The following GHR variants were observed in gnomAD, a reference collection of about 807,000 sequenced individuals.
GHR encodes GH receptor.
GHR carries 35 observed loss-of-function variants against 67.1 expected under a neutral mutation model. The ratio of observed to expected loss-of-function variants is 0.52; its 90% confidence interval spans 0.40 to 0.69. GHR has a LOEUF of 0.69. GHR is among the 30% of genes least tolerant of loss of function. The pLI, the probability that GHR is intolerant of heterozygous loss-of-function variation, is 0.00. For missense variants in GHR, 792 were observed against 764.6 expected (o/e 1.04, Z -0.42); for synonymous variants, 272 against 269.1 (o/e 1.01, Z -0.10).
At chr5:42,474,305 G>GAAAGAAAGAAAGA (rs1006071581) in intron 1 of GHR, among the ~76,000 whole-genome samples, 1 of 134,062 alleles carries the variant, frequency 7.5e-6, no homozygotes, top group Admixed American at 7.4e-5. Context: ...GAGAAAGAAA[G>GAAAGAAAGAAAGA]AAAGAAAGAA....
At chr5:42,603,983 T>C (rs1362297311) in intron 2 of GHR, among the ~76,000 whole-genome samples, 2 of 152,218 alleles carry the variant, frequency 1.3e-5, no homozygotes, top group Non-Finnish European at 2.9e-5. Context: ...TCAATTAATT[T>C]GCAAGAGTGG....
rs150584105 is a variant in GHR at position 42,695,056 on chromosome 5, G to T, written c.406G>T (p.Val136Leu). Residue 136 changes from valine (V) to leucine (L), a missense_variant, in exon 5 of 10, where the codon GTG (valine) becomes TTG (leucine). Physicochemically the swap from Val to Leu is conservative, Grantham distance 32 (BLOSUM62 1). Transcript: ENST00000230882. ...CAAGCTAACTAGCAATGGTGGTACAGTGGATGAAAAGTGTTTCTCTGTTGA... is the reference window on the plus strand; with the variant it reads ...CAAGCTAACTAGCAATGGTGGTACATTGGATGAAAAGTGTTTCTCTGTTGA... ...CIKLTSNGGT[V>L]DEKCFSVDEI... 143 of 1,611,748 alleles carry T rather than the reference G, an allele frequency of 8.9e-5. 1 individual carries two copies. The highest frequency in any genetic ancestry group is 8.3e-4 in the Middle Eastern group (5 of 6,060).
chr5:42,700,364 T>C (rs897567047), intron 6 of GHR, among the ~76,000 whole-genome samples: 20 of 152,188 alleles, frequency 1.3e-4, no homozygotes, highest in Admixed American at 2.6e-4. Flanking sequence ...GCCAAATATT[T>C]TCCCATGATT....
intron 1 of GHR, chr5:42,467,485 T>C: frequency 9.8e-7 from 1 of 1,016,228 alleles, no homozygotes; most frequent in Non-Finnish European, 1.5e-6. Flanking sequence ...TTCTGTAATG[T>C]GGAGTTTCTG....
chr5:42,586,406 T>C (rs926153785), intron 2 of GHR, among the ~76,000 whole-genome samples: 2 of 152,232 alleles, frequency 1.3e-5, no homozygotes, highest in Non-Finnish European at 2.9e-5. Context: ...AAAGCTTTTT[T>C]CTCAATAAAT....
At chr5:42,609,284 G>A (rs921962022) in intron 2 of GHR, among the ~76,000 whole-genome samples, 2 of 152,146 alleles carry the variant, frequency 1.3e-5, no homozygotes, top group Non-Finnish European at 2.9e-5. Flanking sequence ...GAGGGGACAG[G>A]TGCCAATGGC....
intron 2 of GHR, among the ~76,000 whole-genome samples, chr5:42,579,140 TGATAGATAGATATAG>T (rs1561138967): frequency 0.076 from 4,368 of 57,590 alleles, 95 homozygotes; most frequent in Middle Eastern, 0.17. Flanking sequence ...GATAGATAGA[TGATAGATAGATATAG>T]ATAGATAGAT....
chr5:42,685,601 ATC>A (rs1166497104), intron 3 of GHR, among the ~76,000 whole-genome samples: 8 of 152,138 alleles, frequency 5.3e-5, no homozygotes, highest in African/African-American at 1.9e-4. Flanking sequence ...CCTCTCCAGC[ATC>A]TGTTTTTTCC....
At chr5:42,537,698 C>T (rs563604349) in intron 1 of GHR, among the ~76,000 whole-genome samples, 1 of 151,990 alleles carries the variant, frequency 6.6e-6, no homozygotes, top group Non-Finnish European at 1.5e-5. Context: ...CAGTTTAAAT[C>T]CATTGTTTCT....
At chr5:42,625,502 A>G (rs1753655991) in intron 2 of GHR, among the ~76,000 whole-genome samples, 1 of 152,168 alleles carries the variant, frequency 6.6e-6, no homozygotes, top group Non-Finnish European at 1.5e-5. Flanking sequence ...ATGGCCTGTG[A>G]CATAGCCCTC....
intron 1 of GHR, among the ~76,000 whole-genome samples, chr5:42,544,974 A>G (rs563080209): frequency 2.0e-5 from 3 of 152,146 alleles, no homozygotes; most frequent in Non-Finnish European, 4.4e-5. Flanking sequence ...AGCAAGGAAG[A>G]TAATGTTTCT....
chr5:42,626,272 C>A (rs1753698826), intron 2 of GHR, among the ~76,000 whole-genome samples: 1 of 152,220 alleles, frequency 6.6e-6, no homozygotes, highest in Non-Finnish European at 1.5e-5. Context: ...ACTTCAGATG[C>A]CAACTGCAAG....
At chr5:42,538,105 T>A (rs1748341906) in intron 1 of GHR, among the ~76,000 whole-genome samples, 1 of 152,234 alleles carries the variant, frequency 6.6e-6, no homozygotes, top group Non-Finnish European at 1.5e-5. Flanking sequence ...TGAGTTCTTA[T>A]CTATTCTGCT....
chr5:42,626,803 G>A (rs1753727521), intron 2 of GHR, among the ~76,000 whole-genome samples: 1 of 152,166 alleles, frequency 6.6e-6, no homozygotes, highest in Admixed American at 6.5e-5. Flanking sequence ...TAGTTTCACT[G>A]GGAGGTAAAA....
chr5:42,680,175 C>G (rs1363210861), intron 3 of GHR, among the ~76,000 whole-genome samples: 1 of 152,246 alleles, frequency 6.6e-6, no homozygotes, highest in Non-Finnish European at 1.5e-5. Flanking sequence ...GTGAAAGGAA[C>G]ATTATGGTTT....
At chr5:42,678,573 T>C (rs78579104) in intron 3 of GHR, among the ~76,000 whole-genome samples, 3,246 of 152,294 alleles carry the variant, frequency 0.021, 100 homozygotes, top group African/African-American at 0.071. Flanking sequence ...TTATAATATG[T>C]CTTAGGAAAA....
intron 1 of GHR, among the ~76,000 whole-genome samples, chr5:42,472,568 T>C (rs1228664082): frequency 6.6e-6 from 1 of 152,174 alleles, no homozygotes; most frequent in African/African-American, 2.4e-5. Flanking sequence ...AAGTGGAACA[T>C]GGTGTATAGC....
intron 7 of GHR, among the ~76,000 whole-genome samples, chr5:42,711,780 G>A (rs1002544424): frequency 4.6e-5 from 7 of 152,114 alleles, no homozygotes; most frequent in Non-Finnish European, 1.0e-4. Context: ...TGGATGGATA[G>A]ATATGTGACA....
intron 8 of GHR, chr5:42,715,025 C>G: frequency 2.7e-6 from 1 of 369,348 alleles, no homozygotes; most frequent in East Asian, 9.3e-5. Context: ...AAAAAATTAT[C>G]CTCTCAAAAA....
Sources: allele counts gnomAD v4.1 joint callset (sites outside exome capture counted in the v4.1 genomes callset), GRCh38; gene constraint gnomAD v4.1.1; transcripts MANE v1.5; gene names NCBI Gene and HGNC (gene_info 2026-07-23, HGNC 2026-07-21).